MYT1L: variants seen among roughly 807,000 people sequenced by gnomAD.
MYT1L encodes the protein myelin transcription factor 1 like, also known as myelin transcription factor 1-like protein.
MYT1L carries 12 observed loss-of-function variants against 126.7 expected under a neutral mutation model. The ratio of observed to expected loss-of-function variants is 0.09; its 90% confidence interval spans 0.06 to 0.15. The LOEUF is 0.15. MYT1L is among the 10% of genes least tolerant of loss of function. MYT1L has a pLI of 1.00. For missense variants in MYT1L, 979 were observed against 1,585.2 expected (o/e 0.62, Z 6.49); for synonymous variants, 541 against 604.2 (o/e 0.90, Z 1.53).
rs1380021227 is a variant in MYT1L, at chr2:2,281,938, G to A, written c.-421+2466C>T. Among the ~76,000 whole-genome samples, 5 of 152,228 alleles carry A rather than the reference G, an allele frequency of 3.3e-5. No individual in the cohort carries two copies. In the South Asian group the frequency reaches 6.2e-4, roughly 19 times the overall value. ...TACTTTTTAGCGGTAGGTGGCATGG[G>A]GGCAGAAATGTTTCTGTAGTGCACT... On this transcript the variant is annotated intron_variant, in intron 2 of 24. Coordinates refer to ENST00000647738, the MANE Select transcript of MYT1L (RefSeq NM_001303052.2).
chr2:2,046,424 ATT>A (rs2068195635), intron 4 of MYT1L, among the ~76,000 whole-genome samples: 1 of 152,214 alleles, frequency 6.6e-6, no homozygotes, highest in Non-Finnish European at 1.5e-5. Flanking sequence ...ATGGATGAAT[ATT>A]TGTTTCCAGA....
intron 9 of MYT1L, among the ~76,000 whole-genome samples, chr2:1,925,870 T>C (rs899965757): frequency 6.6e-6 from 1 of 152,164 alleles, no homozygotes; most frequent in Admixed American, 6.5e-5. Context: ...TCAGTGGGGA[T>C]AGTAAAACTT....
intron 2 of MYT1L, among the ~76,000 whole-genome samples, chr2:2,189,919 G>C (rs1462532908): frequency 6.6e-6 from 1 of 151,404 alleles, no homozygotes; most frequent in Non-Finnish European, 1.5e-5. Flanking sequence ...GCGTTCTCAG[G>C]ACGCACGGGG....
At chr2:2,175,210 C>T (rs1012218365) in intron 2 of MYT1L, among the ~76,000 whole-genome samples, 4 of 152,112 alleles carry the variant, frequency 2.6e-5, no homozygotes, top group East Asian at 3.9e-4. Flanking sequence ...CTTGCCAGGG[C>T]GGTGCCCACC....
chr2:2,025,997 G>T (rs921467860), intron 4 of MYT1L, among the ~76,000 whole-genome samples: 1 of 152,180 alleles, frequency 6.6e-6, no homozygotes, highest in Non-Finnish European at 1.5e-5. Flanking sequence ...CCTCCTAATC[G>T]GTGCTTCAAA....
intron 2 of MYT1L, among the ~76,000 whole-genome samples, chr2:2,270,462 A>G (rs2095240837): frequency 6.6e-6 from 1 of 152,164 alleles, no homozygotes; most frequent in Admixed American, 6.5e-5. Flanking sequence ...TGTGCCAGAT[A>G]GAGGGATGGA....
intron 4 of MYT1L, among the ~76,000 whole-genome samples, chr2:2,051,595 A>G (rs753596226): frequency 6.6e-6 from 1 of 152,258 alleles, no homozygotes; most frequent in African/African-American, 2.4e-5. Flanking sequence ...AAAGCCTTCA[A>G]AATTACTGCT....
rs569803287 is a variant in MYT1L, at chr2:2,188,702, G to A, written c.-420-15714C>T. ...TTTAGACTTCCTGGGGATCTGTCTC[G>A]GGCAGATGCTCATGTTTTCCAAGCT... On this transcript the variant is annotated intron_variant, in intron 2 of 24. Transcript: ENST00000647738. 7.2e-5 allele frequency among the ~76,000 whole-genome samples: 11 copies of A among 152,036 alleles called. No homozygotes were observed. In the South Asian group the frequency reaches 1.7e-3, roughly 23 times the overall value.
At chr2:2,200,885 G>A (rs2093043479) in intron 2 of MYT1L, among the ~76,000 whole-genome samples, 1 of 152,198 alleles carries the variant, frequency 6.6e-6, no homozygotes, top group Non-Finnish European at 1.5e-5. Context: ...GGAGTGCCAT[G>A]GTGCTCAGCC....
rs781642397 is a variant in MYT1L, at chr2:1,943,084, TCTC to T, written c.400_402del (p.Glu134del). The stretch of plus-strand genomic sequence containing the variant: ...TCATCGTCCTCATCCTCCTCCTCGA[TCTC>T]CTCCTCCTCCTCCCGGTCCCCCTCC... On this transcript the variant is annotated inframe_deletion, in exon 9 of 25. Coordinates refer to ENST00000647738, the MANE Select transcript of MYT1L (RefSeq NM_001303052.2). This position sits in a 1 kb window ranked among gnomAD's most constrained non-coding sequence, Gnocchi z 4.4. 4.4e-4 allele frequency: 637 copies of T among 1,436,880 alleles called. No individual in the cohort carries two copies. The highest frequency in any genetic ancestry group is 5.5e-4 in the Non-Finnish European group (579 of 1,044,444). The allele number at this position is 1,436,880 out of a possible 1,614,324, so 89.0% of individuals were successfully genotyped here. A position where few individuals can be genotyped will look rare whatever the true frequency, so the allele number is the denominator to read the frequency against.
intron 4 of MYT1L, among the ~76,000 whole-genome samples, chr2:2,028,318 T>C (rs902405569): frequency 3.9e-5 from 6 of 152,164 alleles, no homozygotes; most frequent in African/African-American, 1.4e-4. Context: ...TGTGGGATTG[T>C]GGGGTTCATG....
chr2:2,027,234 C>T (rs998326641), intron 4 of MYT1L, among the ~76,000 whole-genome samples: 5 of 152,142 alleles, frequency 3.3e-5, no homozygotes, highest in South Asian at 2.1e-4. Flanking sequence ...GAGAGCTCCA[C>T]CCCGGGAGGC....
chr2:2,064,846 C>T (rs894915100), intron 3 of MYT1L, among the ~76,000 whole-genome samples: 7 of 152,002 alleles, frequency 4.6e-5, no homozygotes, highest in African/African-American at 7.3e-5. Context: ...AAATATGAAA[C>T]GATTCCTGAT....
intron 2 of MYT1L, among the ~76,000 whole-genome samples, chr2:2,198,499 T>C (rs1239116045): frequency 6.6e-6 from 1 of 152,156 alleles, no homozygotes; most frequent in Admixed American, 6.5e-5. Flanking sequence ...CATGATACTA[T>C]GTATATACGC....
Position 2,087,449 on chromosome 2 carries a change from G to C in MYT1L, c.-303-33326C>G, listed in dbSNP as rs1158440938. Among the ~76,000 whole-genome samples the C allele has an allele frequency of 4.6e-5, 7 of 152,270 alleles. No individual in the cohort carries two copies. The East Asian group carries it at 1.2e-3, about 25-fold the overall frequency. ...CTTTAGGGTCAGGCTTCTGAGGTCA[G>C]CCCTGAAAGGACACCCAGGAGGGGC... On this transcript the variant is annotated intron_variant, in intron 3 of 24. Transcript: ENST00000647738.
chr2:1,851,936 A>G (rs1451064429), intron 18 of MYT1L, among the ~76,000 whole-genome samples: 1 of 152,104 alleles, frequency 6.6e-6, no homozygotes, highest in African/African-American at 2.4e-5. Context: ...TCTCTGGAGC[A>G]GATGCCGCAC....
chr2:2,019,016 C>T (rs991610361), intron 4 of MYT1L, among the ~76,000 whole-genome samples: 19 of 152,256 alleles, frequency 1.2e-4, no homozygotes, highest in Admixed American at 6.5e-4. Flanking sequence ...ATACTAGATG[C>T]TGGCTTCTGT....
intron 3 of MYT1L, among the ~76,000 whole-genome samples, chr2:2,069,220 C>T (rs1436984366): frequency 2.0e-5 from 3 of 152,138 alleles, no homozygotes; most frequent in African/African-American, 4.8e-5. Flanking sequence ...TCTCCCTCTC[C>T]TAGCCCCCGA....
At chr2:1,916,229 C>T (rs146650255) in intron 11 of MYT1L, among the ~76,000 whole-genome samples, 1,626 of 152,282 alleles carry the variant, frequency 0.011, 15 homozygotes, top group Middle Eastern at 0.024. Flanking sequence ...CTCCTGAGAA[C>T]GTTTCTTTGT....
Sources: gnomAD v4.1 joint callset for allele counts (sites outside exome capture counted in the v4.1 genomes callset) on GRCh38, gnomAD v4.1.1 for gene constraint, Gnocchi (gnomAD v3.1) non-coding constraint, MANE v1.5 for transcripts, NCBI Gene and HGNC (gene_info 2026-07-23, HGNC 2026-07-21) for gene names.